Variants in LMBR1 observed in about 807,000 individuals in gnomAD.
The protein encoded by LMBR1 is limb development membrane protein 1, also known as limb region 1 protein homolog.
In LMBR1, 52 loss-of-function variants were observed where a neutral mutation model predicts 73.9. That is an observed-to-expected ratio of 0.70 (90% CI 0.56 to 0.89). LMBR1 has a LOEUF of 0.89. LMBR1 is among the 40% of genes least tolerant of loss of function. The pLI is 0.00. For synonymous variants in LMBR1, 215 were observed against 209.4 expected, an observed-to-expected ratio of 1.03 and a Z score of -0.23; for missense variants, 539 against 579.8, an observed-to-expected ratio of 0.93 and a Z score of 0.72.
At chr7:156,722,901 A>T (rs934573763) in intron 15 of LMBR1, among the ~76,000 whole-genome samples, 60 of 152,106 alleles carry the variant, frequency 3.9e-4, no homozygotes, top group African/African-American at 1.4e-3. Flanking sequence ...ACAGTGAATG[A>T]GTTTCCTAAG....
chr7:156,700,715 T>C (rs1180595853), intron 15 of LMBR1, among the ~76,000 whole-genome samples: 2 of 152,216 alleles, frequency 1.3e-5, no homozygotes, highest in African/African-American at 4.8e-5. Context: ...TTTTCCTTTC[T>C]TCTTCTGAGC....
chr7:156,891,228 A>G (rs1802907076), intron 1 of LMBR1, among the ~76,000 whole-genome samples: 1 of 116,354 alleles, frequency 8.6e-6, no homozygotes, highest in African/African-American at 3.5e-5. Flanking sequence ...ATATATATAT[A>G]TATATACACA....
intron 1 of LMBR1, among the ~76,000 whole-genome samples, chr7:156,872,963 G>A (rs1033782632): frequency 6.6e-6 from 1 of 152,194 alleles, no homozygotes; most frequent in African/African-American, 2.4e-5. Flanking sequence ...TGGTCTCACT[G>A]ACTTCAAGAA....
intron 15 of LMBR1, among the ~76,000 whole-genome samples, chr7:156,696,474 T>C (rs1808305077): frequency 1.3e-5 from 2 of 152,150 alleles, no homozygotes; most frequent in Admixed American, 6.5e-5. Context: ...GATAAAGACA[T>C]ACCCGAGACT....
At chr7:156,772,672 A>G (rs1825414289) in intron 5 of LMBR1, among the ~76,000 whole-genome samples, 1 of 152,104 alleles carries the variant, frequency 6.6e-6, no homozygotes. Context: ...ACACAGTGAA[A>G]TCCTGCATCT....
intron 1 of LMBR1, among the ~76,000 whole-genome samples, chr7:156,837,958 T>C (rs971129140): frequency 2.0e-5 from 3 of 152,096 alleles, no homozygotes; most frequent in African/African-American, 4.8e-5. Flanking sequence ...GGCTAATTCT[T>C]GTATTTTTTG....
chr7:156,769,693 A>G (rs1194066635), intron 5 of LMBR1, among the ~76,000 whole-genome samples: 1 of 152,224 alleles, frequency 6.6e-6, no homozygotes, highest in Non-Finnish European at 1.5e-5. Flanking sequence ...AGCAAGAGGC[A>G]TGAGTGCCAG....
intron 15 of LMBR1, among the ~76,000 whole-genome samples, chr7:156,699,905 G>C (rs1483207164): frequency 6.6e-6 from 1 of 152,194 alleles, no homozygotes; most frequent in Admixed American, 6.5e-5. Context: ...GGAAACAACA[G>C]GTGCTGGAGA....
intron 15 of LMBR1, among the ~76,000 whole-genome samples, chr7:156,710,120 T>A (rs1811775432): frequency 6.6e-6 from 1 of 151,460 alleles, no homozygotes; most frequent in African/African-American, 2.4e-5. Flanking sequence ...TCAGCCAGGA[T>A]GCTCTCGATC....
intron 4 of LMBR1, among the ~76,000 whole-genome samples, chr7:156,819,516 G>A (rs1418917920): frequency 6.6e-6 from 1 of 152,088 alleles, no homozygotes; most frequent in Non-Finnish European, 1.5e-5. Flanking sequence ...CAACATGAAA[G>A]TACTAGAACA....
chr7:156,806,577 T>C (rs111891746), intron 4 of LMBR1, among the ~76,000 whole-genome samples: 4,476 of 148,688 alleles, frequency 0.03, 118 homozygotes, highest in South Asian at 0.081. Context: ...TATGATGTTA[T>C]CAGTAGGTTT....
At chr7:156,860,789 C>T (rs1797613702) in intron 1 of LMBR1, among the ~76,000 whole-genome samples, 1 of 152,228 alleles carries the variant, frequency 6.6e-6, no homozygotes, top group East Asian at 1.9e-4. Flanking sequence ...GTCTGAAATC[C>T]AGTGGGGCAG....
intron 1 of LMBR1, among the ~76,000 whole-genome samples, chr7:156,870,713 C>T (rs925178605): frequency 1.3e-5 from 2 of 149,898 alleles, no homozygotes; most frequent in African/African-American, 4.9e-5. Context: ...TGCAGTGAGC[C>T]GAGATCGCGG....
chr7:156,858,082 A>C (rs1257124005), intron 1 of LMBR1, among the ~76,000 whole-genome samples: 1 of 151,512 alleles, frequency 6.6e-6, no homozygotes, highest in Non-Finnish European at 1.5e-5. Context: ...CAAAAAAAAA[A>C]AAAAAAAGTT....
chr7:156,730,259 CAAG>C (rs1490339046), intron 10 of LMBR1, among the ~76,000 whole-genome samples: 2 of 152,098 alleles, frequency 1.3e-5, no homozygotes, highest in African/African-American at 4.8e-5. Flanking sequence ...GCTAAGAGGC[CAAG>C]AAGAACAACA....
chr7:156,816,975 A>G (rs1411059251), intron 4 of LMBR1, among the ~76,000 whole-genome samples: 2 of 152,182 alleles, frequency 1.3e-5, no homozygotes, highest in African/African-American at 4.8e-5. Flanking sequence ...GTAAAATTAC[A>G]TATTTCCATA....
At chr7:156,836,935 T>C in intron 1 of LMBR1, 50 bp from the exon 2 acceptor site, 2 of 1,142,878 alleles carry the variant, frequency 1.7e-6, no homozygotes, top group Non-Finnish European at 1.3e-6. Context: ...CATATCTTTT[T>C]TAAATACTAG....
At chr7:156,887,799 A>G (rs909911679) in intron 1 of LMBR1, among the ~76,000 whole-genome samples, 12 of 152,222 alleles carry the variant, frequency 7.9e-5, no homozygotes, top group Non-Finnish European at 1.8e-4. Context: ...CAGAATATAT[A>G]AAGAACTCCT....
chr7:156,888,942 T>C (rs1475454195), intron 1 of LMBR1, among the ~76,000 whole-genome samples: 1 of 151,582 alleles, frequency 6.6e-6, no homozygotes, highest in Non-Finnish European at 1.5e-5. Flanking sequence ...TAATCCCAGC[T>C]ACTCGGGAGG....
Sources: gnomAD v4.1 joint callset for allele counts (sites outside exome capture counted in the v4.1 genomes callset) on GRCh38, gnomAD v4.1.1 for gene constraint, MANE v1.5 for transcripts, NCBI Gene and HGNC (gene_info 2026-07-23, HGNC 2026-07-21) for gene names.